Variants in TIGIT observed in about 807,000 individuals in gnomAD.
The protein encoded by TIGIT is T cell immunoreceptor with Ig and ITIM domains, also known as T-cell immunoreceptor with Ig and ITIM domains.
TIGIT carries 11 observed loss-of-function variants against 19.6 expected under a neutral mutation model. The ratio of observed to expected loss-of-function variants is 0.56; its 90% CI spans 0.35 to 0.93. The LOEUF is 0.93. Ranked by LOEUF, TIGIT falls within the 40% of genes least tolerant of loss-of-function variation. TIGIT has a pLI of 0.01. For synonymous variants in TIGIT, 130 were observed against 125.5 expected (o/e 1.04, Z -0.24); for missense variants, 295 against 303.9 (o/e 0.97, Z 0.22).
intron 1 of TIGIT, among the ~76,000 whole-genome samples, 165 bp downstream of exon 1, chr3:114,294,287 A>G (rs928382830): frequency 6.6e-6 from 1 of 152,214 alleles, no homozygotes; most frequent in African/African-American, 2.4e-5. Context: ...AAGAAAGGAC[A>G]ATCTCTGAGA....
Position 114,309,099 on chromosome 3 carries a change from A to G in TIGIT, c.*968A>G, listed in dbSNP as rs1234406158. 6.6e-6 allele frequency: 1 copy of G among 152,222 alleles called. No homozygotes were observed. The highest frequency in any genetic ancestry group is 2.4e-5 in the African/African-American group (1 of 41,460). The allele number at this position is 152,222 out of a possible 1,614,324, so 9.4% of individuals were successfully genotyped here. A position where few individuals can be genotyped will look rare whatever the true frequency, so the allele number is the denominator to read the frequency against. On this transcript the variant is annotated 3_prime_UTR_variant, in exon 4 of 4. Coordinates refer to ENST00000383671, the MANE Select transcript of TIGIT (RefSeq NM_173799.4). ...TTGGGCCTTGATCTACCTTTTCTGC[A>G]TCAATACACTCTTGAGCCTTTGAAA...
At chr3:114,306,254 A>T (rs553342664) in intron 3 of TIGIT, among the ~76,000 whole-genome samples, 48 of 152,142 alleles carry the variant, frequency 3.2e-4, no homozygotes, top group Non-Finnish European at 5.4e-4. Flanking sequence ...AGGTGAGTGG[A>T]TGGTGCTTGG....
chr3:114,295,552 G>T lies in TIGIT; in HGVS notation c.69G>T (p.Met23Ile). 6.2e-7 allele frequency: 1 copy of T among 1,612,728 alleles called. No homozygotes were observed. Among genetic ancestry groups the T allele is most frequent in the South Asian group, 1.1e-5 (1 of 90,826 alleles). Residue 23 changes from methionine (M) to isoleucine (I), a missense_variant, in exon 2 of 4, where the codon ATG (methionine) becomes ATT (isoleucine). Physicochemically the swap from Met to Ile is conservative, Grantham distance 10. Coordinates refer to ENST00000383671, the MANE Select transcript of TIGIT (RefSeq NM_173799.4). ...CTTCGTCCTCTTCCCTAGGAATGAT[G>T]ACAGGCACAATAGAAACAACGGGGA... ...LRQAPLASGM[M>I]TGTIETTGNI...
intron 3 of TIGIT, among the ~76,000 whole-genome samples, chr3:114,305,252 C>T (rs918534651): frequency 6.6e-5 from 10 of 152,202 alleles, no homozygotes; most frequent in Non-Finnish European, 1.5e-4. Flanking sequence ...TGTGTCCCAT[C>T]TCATTTCACC....
At chr3:114,303,493 GTA>G (rs1371220227) in intron 3 of TIGIT, among the ~76,000 whole-genome samples, 1 of 120,696 alleles carries the variant, frequency 8.3e-6, no homozygotes, top group Non-Finnish European at 1.7e-5. Flanking sequence ...TCCATGGTGT[GTA>G]TATATATATG....
rs1034622007 is a variant in TIGIT, at chr3:114,305,781, G to C, written c.499-2114G>C. Among the ~76,000 whole-genome samples, 3 of 34,520 alleles carry C rather than the reference G, an allele frequency of 8.7e-5. No individual in the cohort carries two copies. The East Asian group carries it at 1.0e-3, about 12-fold the overall frequency. 22.6% of individuals were successfully genotyped at this position (34,520 alleles called of 152,430 possible). A position where few individuals can be genotyped will look rare whatever the true frequency, so the allele number is the denominator to read the frequency against. On this transcript the variant is annotated intron_variant, in intron 3 of 3. Coordinates refer to ENST00000383671, the MANE Select transcript of TIGIT (RefSeq NM_173799.4). The stretch of plus-strand genomic sequence containing the variant: ...AGGGACAGAACCAATAGGAGATATA[G>C]ATGGATGGATGGATGGATGGATGGA...
intron 2 of TIGIT, chr3:114,296,144 C>T (rs1226729847): frequency 2.7e-6 from 1 of 370,322 alleles, no homozygotes; most frequent in Non-Finnish European, 4.9e-6. Context: ...ATGTAAGAAG[C>T]ACATCTTACC....
Position 114,299,587 on chromosome 3 carries a change from C to T in TIGIT, c.392-10C>T, listed in dbSNP as rs757120600. 3.1e-6 allele frequency: 5 copies of T among 1,606,930 alleles called. No homozygotes were observed. The highest frequency in any genetic ancestry group is 1.7e-4 in the Middle Eastern group (1 of 6,052). On this transcript the variant is annotated splice_polypyrimidine_tract_variant and intron_variant, in intron 2 of 3. Transcript: ENST00000383671. ...TTCTGCCACTCATCTCTGTTTTGTCCTCCCTCTAGTGGCTGAGCACGGTGC... is the reference window on the plus strand; with the variant it reads ...TTCTGCCACTCATCTCTGTTTTGTCTTCCCTCTAGTGGCTGAGCACGGTGC...
At chr3:114,296,999 A>G (rs979136486) in intron 2 of TIGIT, among the ~76,000 whole-genome samples, 1 of 147,826 alleles carries the variant, frequency 6.8e-6, no homozygotes, top group Admixed American at 7.0e-5. Context: ...AGTTCAAGCG[A>G]TTCTCTCCTG....
intron 3 of TIGIT, among the ~76,000 whole-genome samples, chr3:114,304,240 T>C (rs988756188): frequency 6.6e-6 from 1 of 152,218 alleles, no homozygotes; most frequent in Admixed American, 6.5e-5. Context: ...GTGCAGAAGA[T>C]ATTACTTTTT....
chr3:114,303,220 G>A (rs1342056416), intron 3 of TIGIT, among the ~76,000 whole-genome samples: 2 of 151,666 alleles, frequency 1.3e-5, no homozygotes, highest in Admixed American at 6.6e-5. Flanking sequence ...CCCATCACCC[G>A]AACAGTGTAC....
In TIGIT at chr3:114,309,252, C is replaced by A. The variant is rs1357794004; in HGVS notation, c.*1121C>A. The A allele has an allele frequency of 2.0e-5, 3 of 152,288 alleles. No individual in the cohort carries two copies. The East Asian group carries it at 5.8e-4, about 29-fold the overall frequency. 9.4% of individuals were successfully genotyped at this position (152,288 alleles called of 1,614,324 possible). A position where few individuals can be genotyped will look rare whatever the true frequency, so the allele number is the denominator to read the frequency against. The stretch of plus-strand genomic sequence containing the variant: ...CACCTTCAAACTAACTTCTTCGAAC[C>A]CTTTTATTCACTCCCTGACGACTTT... On this transcript the variant is annotated 3_prime_UTR_variant, in exon 4 of 4. Coordinates refer to ENST00000383671, the MANE Select transcript of TIGIT (RefSeq NM_173799.4).
intron 3 of TIGIT, among the ~76,000 whole-genome samples, chr3:114,306,944 G>A (rs1188231688): frequency 5.9e-5 from 9 of 152,184 alleles, no homozygotes; most frequent in Admixed American, 5.9e-4. Flanking sequence ...CTCTGCTGGC[G>A]ACCATGTGGA....
At chr3:114,300,903 C>G (rs2078488360) in intron 3 of TIGIT, among the ~76,000 whole-genome samples, 1 of 152,184 alleles carries the variant, frequency 6.6e-6, no homozygotes, top group African/African-American at 2.4e-5. Flanking sequence ...CCACTTAATA[C>G]TATTACAATG....
chr3:114,295,768 C>T lies in TIGIT; in HGVS notation c.285C>T (p.Leu95=). 1 of 1,614,190 alleles carries T rather than the reference C, an allele frequency of 6.2e-7. No individual in the cohort carries two copies. Among genetic ancestry groups the T allele is most frequent in the Non-Finnish European group, 8.5e-7 (1 of 1,180,034 alleles). The change falls in exon 2 of 4, where the codon CTC becomes CTT. Residue 95 remains leucine, a synonymous_variant. Coordinates refer to ENST00000383671, the MANE Select transcript of TIGIT (RefSeq NM_173799.4). ...CAGGTCCCGGCCTGGGCCTCACCCTCCAGTCGCTGACCGTGAACGATACAG... is the reference window on the plus strand; with the variant it reads ...CAGGTCCCGGCCTGGGCCTCACCCTTCAGTCGCTGACCGTGAACGATACAG... ...VAPGPGLGLT[L]QSLTVNDTGE...
intron 2 of TIGIT, among the ~76,000 whole-genome samples, chr3:114,298,360 A>T (rs1198720430): frequency 2.0e-5 from 3 of 152,304 alleles, no homozygotes; most frequent in African/African-American, 7.2e-5. Flanking sequence ...CTTAAACCTA[A>T]CCAAACTCAT....
chr3:114,303,527 ATG>A (rs1337658466), intron 3 of TIGIT, among the ~76,000 whole-genome samples: 1 of 9,310 alleles, frequency 1.1e-4, no homozygotes, highest in African/African-American at 1.8e-4. Context: ...ACACATATAT[ATG>A]TATATATATA....
intron 3 of TIGIT, among the ~76,000 whole-genome samples, chr3:114,303,926 TA>T (rs138737308): frequency 0.012 from 1,856 of 151,138 alleles, 31 homozygotes; most frequent in African/African-American, 0.043. Context: ...CAACATGGGT[TA>T]TTTTTTTATT....
At chr3:114,294,386 G>A (rs919296862) in intron 1 of TIGIT, among the ~76,000 whole-genome samples, 1 of 152,188 alleles carries the variant, frequency 6.6e-6, no homozygotes, top group Non-Finnish European at 1.5e-5. Context: ...ACAAGAAGGA[G>A]CAGGAGAAGA....
Sources: gnomAD v4.1 joint callset for allele counts (sites outside exome capture counted in the v4.1 genomes callset) on GRCh38, gnomAD v4.1.1 for gene constraint, MANE v1.5 for transcripts, NCBI Gene and HGNC (gene_info 2026-07-23, HGNC 2026-07-21) for gene names.